Variants in ZNF689 observed in about 807,000 individuals in gnomAD.
ZNF689 encodes short ORF-encoded histone-binding protein.
In ZNF689, 14 loss-of-function variants were observed where a neutral mutation model predicts 37.2. The observed-to-expected ratio is 0.38, with a 90% confidence interval of 0.25 to 0.59. The LOEUF is 0.59. ZNF689 is among the 20% of genes least tolerant of loss of function. The probability of loss-of-function intolerance (pLI) is 0.68; values close to 1 mark genes in which losing one functional copy is unlikely to be tolerated. For missense variants in ZNF689, 573 were observed against 700.2 expected (o/e 0.82, Z 2.05); for synonymous variants, 277 against 283.3 (o/e 0.98, Z 0.22).
chr16:30,604,997 C>T lies in ZNF689; in HGVS notation c.770G>A (p.Gly257Asp). Residue 257 changes from glycine to aspartate, a missense_variant, in exon 3 of 3, where the codon GGT becomes GAT. Gly to Asp is a moderately conservative substitution (Grantham distance 94, BLOSUM62 -1). Around this residue, in one of 3 missense-constraint regions of ZNF689, gnomAD observed 317 missense variants for 367.1 expected, o/e 0.86. Coordinates refer to ENST00000287461, the MANE Select transcript of ZNF689 (RefSeq NM_138447.3). This position sits in a 1 kb window ranked among gnomAD's most constrained non-coding sequence, Gnocchi z 5.2. ...GCTAGGGCACTGGTGGGGTTTTTCACCTGTGTGTGTGGTCCGGTGATTGGC... is the reference window on the plus strand; with the variant it reads ...GCTAGGGCACTGGTGGGGTTTTTCATCTGTGTGTGTGGTCCGGTGATTGGC... ...SLANHRTTHT[G>D]EKPHQCPSCG... 1 of 1,600,622 alleles carries T rather than the reference C, an allele frequency of 6.2e-7. No individual in the cohort carries two copies. Among genetic ancestry groups the T allele is most frequent in the Non-Finnish European group, 8.5e-7 (1 of 1,172,358 alleles).
Position 30,605,369 on chromosome 16 carries a change from C to T in ZNF689, c.398G>A (p.Arg133Gln), listed in dbSNP as rs774978582. The T allele has an allele frequency of 1.9e-6, 3 of 1,614,004 alleles. No homozygotes were observed. The highest frequency in any genetic ancestry group is 2.5e-6 in the Non-Finnish European group (3 of 1,179,946). The change falls in exon 3 of 3, where the codon CGG becomes CAG. Residue 133 changes from arginine (R) to glutamine (Q), a missense_variant. Transcript: ENST00000287461. This position sits in a 1 kb window ranked among gnomAD's most constrained non-coding sequence, Gnocchi z 5.1. ...KEAPRKGKRG[R>Q]RPSKPRLIPR... ...AATCAGTCGGGGTTTGCTGGGCCTC[C>T]GGCCTCGCTTCCCCTTTCGGGGTGC...
rs2052007066 is a variant in ZNF689, at chr16:30,603,985, T to G, written c.*279A>C. On this transcript the variant is annotated 3_prime_UTR_variant, in exon 3 of 3. Transcript: ENST00000287461. ...ACAGACTAGAAAAGCAGACAGCCCC[T>G]AAAATAGATGGGGAGAACTTTTAGC... 1 of 593,270 alleles carries G rather than the reference T, an allele frequency of 1.7e-6. No individual in the cohort carries two copies. The highest frequency in any genetic ancestry group is 3.1e-6 in the Non-Finnish European group (1 of 317,826). The allele number at this position is 593,270 out of a possible 1,614,324, so 36.8% of individuals were successfully genotyped here. A position where few individuals can be genotyped will look rare whatever the true frequency, so the allele number is the denominator to read the frequency against.
chr16:30,606,159 C>A (rs919460748), intron 2 of ZNF689, among the ~76,000 whole-genome samples: 15 of 151,392 alleles, frequency 9.9e-5, no homozygotes, highest in African/African-American at 3.4e-4. Context: ...TTAGCCTGGC[C>A]TGGTGGCACG....
At chr16:30,607,233 A>C (rs2052044370) in intron 2 of ZNF689, among the ~76,000 whole-genome samples, 1 of 131,602 alleles carries the variant, frequency 7.6e-6, no homozygotes, top group East Asian at 2.5e-4. Context: ...TGCATGACAG[A>C]GTGAGACTCC....
At chr16:30,610,407 C>G (rs376879528), upstream of ZNF689, 4 of 227,250 alleles carry the variant, frequency 1.8e-5, 1 homozygote, top group Admixed American at 5.1e-5. Flanking sequence ...TTGGGCTTCA[C>G]GCCGTCTTTT....
At position 30,610,289 on chromosome 16, in the gene ZNF689, G is replaced by C. The variant is rs2052084501; in HGVS notation, c.-248C>G. 1.8e-6 allele frequency: 1 copy of C among 543,608 alleles called. No homozygotes were observed. The highest frequency in any genetic ancestry group is 3.2e-5 in the Admixed American group (1 of 31,172). The allele number at this position is 543,608 out of a possible 1,614,324, so 33.7% of individuals were successfully genotyped here. A position where few individuals can be genotyped will look rare whatever the true frequency, so the allele number is the denominator to read the frequency against. ...CGGGGAAAATGGCGGCGCTGCTACC[G>C]CACCGCCTTTGCCTGGAACACAGGC... On this transcript the variant is annotated 5_prime_UTR_variant, in exon 1 of 3. Transcript: ENST00000287461.
At position 30,605,262 on chromosome 16, in the gene ZNF689, A is replaced by T. The variant is rs1567527814; in HGVS notation, c.505T>A (p.Cys169Ser). The change falls in exon 3 of 3, where the codon TGC becomes AGC. Residue 169 changes from cysteine (C) to serine (S), a missense_variant. This residue lies in a region of ZNF689 where 252 missense variants were observed against 313.3 expected (regional missense o/e 0.80). Coordinates refer to ENST00000287461, the MANE Select transcript of ZNF689 (RefSeq NM_138447.3). The surrounding 1 kb of genome is among the most constrained non-coding windows in gnomAD (Gnocchi z 5.1). ...TAAGGCTTTTTTAGATTCTGGGCGC[A>T]CTTGTGGCTCTCCAGGGCCTGATGA... Reference protein sequence around the residue: ...PDHQALESHKCAQNLKKPYPC... With the variant: ...PDHQALESHKSAQNLKKPYPC... 1 of 1,611,586 alleles carries T rather than the reference A, an allele frequency of 6.2e-7. No individual in the cohort carries two copies. Among genetic ancestry groups the T allele is most frequent in the Non-Finnish European group, 8.5e-7 (1 of 1,178,266 alleles).
At position 30,604,710 on chromosome 16, in the gene ZNF689, G is replaced by C. The variant is rs777221834; in HGVS notation, c.1057C>G (p.Arg353Gly). 1 of 1,607,394 alleles carries C rather than the reference G, an allele frequency of 6.2e-7. No homozygotes were observed. Among genetic ancestry groups the C allele is most frequent in the African/African-American group, 1.3e-5 (1 of 74,934 alleles). ...RPYACEHCEA[R>G]FSQRSTLLQH... Reference sequence around the variant, plus strand: ...AGCAGCGTGCTGCGCTGGGAGAAGCGGGCCTCACAGTGCTCGCAGGCATAG... The same window carrying C: ...AGCAGCGTGCTGCGCTGGGAGAAGCCGGCCTCACAGTGCTCGCAGGCATAG... Residue 353 changes from arginine (R) to glycine (G), a missense_variant, in exon 3 of 3, where the codon CGC becomes GGC. This residue lies in a region of ZNF689 where 317 missense variants were observed against 367.1 expected (regional missense o/e 0.86). Coordinates refer to ENST00000287461, the MANE Select transcript of ZNF689 (RefSeq NM_138447.3). This position sits in a 1 kb window ranked among gnomAD's most constrained non-coding sequence, Gnocchi z 5.2.
Position 30,604,839 on chromosome 16 carries a change from T to A in ZNF689, c.928A>T (p.Ile310Phe). ...QRTALVIHQR[I>F]HTGEKPYPCP... ...GGGTAGGGCTTCTCGCCCGTGTGGATGCGCTGGTGGATGACGAGGGCCGTG... is the reference window on the plus strand; with the variant it reads ...GGGTAGGGCTTCTCGCCCGTGTGGAAGCGCTGGTGGATGACGAGGGCCGTG... The change falls in exon 3 of 3, where the codon ATC becomes TTC. Residue 310 changes from isoleucine to phenylalanine, a missense_variant. This residue lies in a region of ZNF689 where 317 missense variants were observed against 367.1 expected (regional missense o/e 0.86). Coordinates refer to ENST00000287461, the MANE Select transcript of ZNF689 (RefSeq NM_138447.3). The surrounding 1 kb of genome is among the most constrained non-coding windows in gnomAD (Gnocchi z 5.2). 6.2e-7 allele frequency: 1 copy of A among 1,602,164 alleles called. No homozygotes were observed. The highest frequency in any genetic ancestry group is 8.5e-7 in the Non-Finnish European group (1 of 1,174,022).
Position 30,604,578 on chromosome 16 carries a change from C to G in ZNF689, c.1189G>C (p.Glu397Gln), listed in dbSNP as rs754483862. ...SLAIHRSTHTEEKLHACDDCG... is the reference protein window; with the variant it reads ...SLAIHRSTHTQEKLHACDDCG... ...TCGTCGCAGGCGTGCAGCTTCTCCT[C>G]TGTGTGCGTGCTGCGATGGATGGCC... The change falls in exon 3 of 3, where the codon GAG becomes CAG. Residue 397 changes from glutamate to glutamine, a missense_variant. Around this residue, in one of 3 missense-constraint regions of ZNF689, gnomAD observed 317 missense variants for 367.1 expected, o/e 0.86. Coordinates refer to ENST00000287461, the MANE Select transcript of ZNF689 (RefSeq NM_138447.3). This position sits in a 1 kb window ranked among gnomAD's most constrained non-coding sequence, Gnocchi z 5.2. 1.3e-6 allele frequency: 2 copies of G among 1,590,344 alleles called. No homozygotes were observed. Among genetic ancestry groups the G allele is most frequent in the African/African-American group, 2.7e-5 (2 of 74,414 alleles).
At chr16:30,606,077 C>T (rs909043517) in intron 2 of ZNF689, among the ~76,000 whole-genome samples, 2 of 151,994 alleles carry the variant, frequency 1.3e-5, no homozygotes, top group Non-Finnish European at 2.9e-5. Flanking sequence ...GGCAAGAGAT[C>T]GCTTGAACCC....
chr16:30,606,672 T>C (rs1189516819), intron 2 of ZNF689, among the ~76,000 whole-genome samples: 1 of 152,020 alleles, frequency 6.6e-6, no homozygotes, highest in African/African-American at 2.4e-5. Flanking sequence ...AGCTAATTTT[T>C]TGTATTTTTA....
At chr16:30,606,571 T>C (rs2151245083) in intron 2 of ZNF689, among the ~76,000 whole-genome samples, 1 of 152,032 alleles carries the variant, frequency 6.6e-6, no homozygotes, top group South Asian at 2.1e-4. Context: ...GTGATCTCAG[T>C]TCACTGAAAT....
In ZNF689 at chr16:30,610,215, T is replaced by G; in HGVS notation, c.-174A>C. Reference sequence around the variant, plus strand: ...GCTAACGGAAACCTTTTGCTGTTATTCAGGAAACTCCTGCCCGAACTTGGG... The same window carrying G: ...GCTAACGGAAACCTTTTGCTGTTATGCAGGAAACTCCTGCCCGAACTTGGG... On this transcript the variant is annotated 5_prime_UTR_variant, in exon 1 of 3. Coordinates refer to ENST00000287461, the MANE Select transcript of ZNF689 (RefSeq NM_138447.3). 1 of 764,016 alleles carries G rather than the reference T, an allele frequency of 1.3e-6. No individual in the cohort carries two copies. The highest frequency in any genetic ancestry group is 2.0e-6 in the Non-Finnish European group (1 of 493,032). 47.3% of individuals were successfully genotyped at this position (764,016 alleles called of 1,614,324 possible).
rs1224915509 is a variant in ZNF689 at position 30,603,109 on chromosome 16, T to C, written c.*1155A>G. On this transcript the variant is annotated 3_prime_UTR_variant, in exon 3 of 3. Transcript: ENST00000287461. ...TTCTGTGCCGATTCTTAGGTGCCTG[T>C]GATTCATCTGTGCCTGATGAGAATC... The C allele has an allele frequency of 6.6e-6, 1 of 152,220 alleles. No individual in the cohort carries two copies. The highest frequency in any genetic ancestry group is 1.5e-5 in the Non-Finnish European group (1 of 68,044). The allele number at this position is 152,220 out of a possible 1,614,324, so 9.4% of individuals were successfully genotyped here.
At chr16:30,607,652 A>G (rs1476579338) in intron 2 of ZNF689, among the ~76,000 whole-genome samples, 1 of 151,908 alleles carries the variant, frequency 6.6e-6, no homozygotes, top group Non-Finnish European at 1.5e-5. Flanking sequence ...CACAGGCCCT[A>G]AGATCTTCTT....
rs578093072 is a variant in ZNF689, at chr16:30,609,654, A to G, written c.206-16T>C. ...CCTGCGCACCCTGGGGAAAGAGAAC[A>G]AATCAGAAGGCCAGCTCCTAGATCA... On this transcript the variant is annotated splice_polypyrimidine_tract_variant and intron_variant, in intron 1 of 2. Transcript: ENST00000287461. 9.9e-6 allele frequency: 16 copies of G among 1,613,704 alleles called. No individual in the cohort carries two copies. The highest frequency in any genetic ancestry group is 8.9e-5 in the East Asian group (4 of 44,866).
rs770497245 is a variant in ZNF689, at chr16:30,605,383, C to T, written c.384G>A (p.Lys128=). The T allele has an allele frequency of 5.0e-6, 8 of 1,613,930 alleles. No individual in the cohort carries two copies. Among genetic ancestry groups the T allele is most frequent in the Non-Finnish European group, 6.8e-6 (8 of 1,179,964 alleles). The part of the protein sequence containing the change: ...EVFPPKEAPR[K]GKRGRRPSKP... The stretch of plus-strand genomic sequence containing the variant: ...TGCTGGGCCTCCGGCCTCGCTTCCC[C>T]TTTCGGGGTGCCTCCTTAGGCGGGA... Residue 128 remains lysine (K), a synonymous_variant, in exon 3 of 3, where the codon AAG becomes AAA. Coordinates refer to ENST00000287461, the MANE Select transcript of ZNF689 (RefSeq NM_138447.3). The surrounding 1 kb of genome is among the most constrained non-coding windows in gnomAD (Gnocchi z 5.1).
chr16:30,610,065 G>T lies in ZNF689; in HGVS notation c.-24C>A. On this transcript the variant is annotated 5_prime_UTR_variant, in exon 1 of 3. Coordinates refer to ENST00000287461, the MANE Select transcript of ZNF689 (RefSeq NM_138447.3). Reference sequence around the variant, plus strand: ...ATGGGACCCGAGAAGCCGGCGCCACGGCCTTCCGTGTCCAGGCCTCGGCCC... The same window carrying T: ...ATGGGACCCGAGAAGCCGGCGCCACTGCCTTCCGTGTCCAGGCCTCGGCCC... The T allele has an allele frequency of 6.4e-7, 1 of 1,562,858 alleles. No homozygotes were observed.
Sources: allele counts gnomAD v4.1 joint callset (sites outside exome capture counted in the v4.1 genomes callset), GRCh38; gene constraint gnomAD v4.1.1; regional missense constraint gnomAD v4.1.1; non-coding constraint Gnocchi (gnomAD v3.1); transcripts MANE v1.5; gene names NCBI Gene and HGNC (gene_info 2026-07-23, HGNC 2026-07-21).